Variants in PKN2 observed in about 807,000 individuals in gnomAD.
PKN2 encodes the protein protein kinase N2, also known as serine/threonine-protein kinase N2.
A neutral mutation model predicts 119.1 loss-of-function variants in PKN2; 38 were observed. The ratio of observed to expected loss-of-function variants is 0.32; its 90% confidence interval spans 0.25 to 0.42. The LOEUF is 0.42. PKN2 is among the 10% of genes least tolerant of loss of function. The pLI is 1.00. For synonymous variants in PKN2, 390 were observed against 384.9 expected (o/e 1.01, Z -0.15); for missense variants, 850 against 1,165.1 (o/e 0.73, Z 3.94).
intron 15 of PKN2, among the ~76,000 whole-genome samples, chr1:88,808,720 TA>T (rs1671662105): frequency 6.6e-6 from 1 of 152,222 alleles, no homozygotes; most frequent in African/African-American, 2.4e-5. Context: ...CATTATTGTA[TA>T]AAAATGGCAT....
chr1:88,739,409 G>T (rs1010319895), intron 1 of PKN2, among the ~76,000 whole-genome samples: 5 of 152,064 alleles, frequency 3.3e-5, no homozygotes, highest in Non-Finnish European at 7.4e-5. Flanking sequence ...ACGAGATCCC[G>T]TATCACCCAT....
chr1:88,771,850 G>C lies in PKN2; in HGVS notation c.956G>C (p.Ser319Thr). Residue 319 changes from serine (S) to threonine (T), a missense_variant, in exon 6 of 22, where the codon AGT becomes ACT. Coordinates refer to ENST00000370521, the MANE Select transcript of PKN2 (RefSeq NM_006256.4). ...ATGATATCTACGCAAAATCAATATA[G>C]TACACTATCCAAACCAGCAGCACTA... ...QSMISTQNQY[S>T]TLSKPAALTG... The C allele has an allele frequency of 6.2e-7, 1 of 1,613,592 alleles. No homozygotes were observed. The highest frequency in any genetic ancestry group is 1.1e-5 in the South Asian group (1 of 91,072).
chr1:88,750,557 T>A (rs1279241600), intron 2 of PKN2, among the ~76,000 whole-genome samples: 1 of 152,218 alleles, frequency 6.6e-6, no homozygotes, highest in East Asian at 1.9e-4. Flanking sequence ...TTCTGGTGAC[T>A]TCCAAAGTTG....
chr1:88,699,747 G>A (rs938572022), intron 1 of PKN2, among the ~76,000 whole-genome samples: 1 of 151,720 alleles, frequency 6.6e-6, no homozygotes, highest in African/African-American at 2.4e-5. Flanking sequence ...TCCCTGCAAA[G>A]GACATGATAT....
At chr1:88,799,588 G>T (rs954283239) in intron 8 of PKN2, among the ~76,000 whole-genome samples, 6 of 152,308 alleles carry the variant, frequency 3.9e-5, no homozygotes, top group African/African-American at 1.4e-4. Context: ...AAGTCGCAGT[G>T]TGTATTTCCC....
intron 1 of PKN2, among the ~76,000 whole-genome samples, chr1:88,723,316 T>C (rs2100710035): frequency 6.6e-6 from 1 of 152,176 alleles, no homozygotes; most frequent in African/African-American, 2.4e-5. Flanking sequence ...TTTCACCACC[T>C]TGGTCAGGCC....
At chr1:88,782,910 C>A (rs999401772) in intron 6 of PKN2, among the ~76,000 whole-genome samples, 1 of 152,118 alleles carries the variant, frequency 6.6e-6, no homozygotes, top group Non-Finnish European at 1.5e-5. Flanking sequence ...TGTTCTTGAG[C>A]TTTGTTCTAG....
intron 18 of PKN2, among the ~76,000 whole-genome samples, chr1:88,826,760 G>A (rs1672514784): frequency 6.6e-6 from 1 of 152,070 alleles, no homozygotes; most frequent in African/African-American, 2.4e-5. Flanking sequence ...TTAATCTAGA[G>A]CCTGATATTA....
intron 2 of PKN2, among the ~76,000 whole-genome samples, chr1:88,749,277 C>T (rs1365946348): frequency 1.3e-5 from 2 of 151,960 alleles, no homozygotes; most frequent in Non-Finnish European, 2.9e-5. Flanking sequence ...AATTTTTATA[C>T]CTAGGTTGCT....
At position 88,806,083 on chromosome 1, in the gene PKN2, T is replaced by C. The variant is rs188435202; in HGVS notation, c.1803+66T>C. On this transcript the variant is annotated intron_variant, in intron 12 of 21. Transcript: ENST00000370521. ...TGAATTAGCAATAAAAGCATCATAG[T>C]GAATAAGGCGTGTCTTTCCATTTAA... is the stretch of plus-strand genomic sequence containing the variant. The C allele has an allele frequency of 6.3e-4, 837 of 1,319,430 alleles. 4 individuals carry two copies. The African/African-American group carries it at 0.011, about 17-fold the overall frequency. 81.7% of individuals were successfully genotyped at this position (1,319,430 alleles called of 1,614,324 possible).
intron 3 of PKN2, among the ~76,000 whole-genome samples, chr1:88,768,115 T>G (rs545706386): frequency 1.3e-4 from 20 of 152,346 alleles, no homozygotes; most frequent in East Asian, 3.9e-4. Flanking sequence ...TGTGTGTATG[T>G]ATGGATGGAT....
At chr1:88,747,462 A>C (rs1557584595) in intron 2 of PKN2, among the ~76,000 whole-genome samples, 1 of 152,162 alleles carries the variant, frequency 6.6e-6, no homozygotes, top group East Asian at 1.9e-4. Context: ...GCTGAGGCTA[A>C]ATGTACCTTA....
chr1:88,684,752 C>G (rs935344326), intron 1 of PKN2, 124 bp downstream of exon 1: 97 of 782,468 alleles, frequency 1.2e-4, no homozygotes, highest in Non-Finnish European at 1.7e-4. Context: ...TGCGGAAACT[C>G]CGGGATGTCA....
At chr1:88,759,252 A>G (rs977076330) in intron 2 of PKN2, among the ~76,000 whole-genome samples, 13 of 152,186 alleles carry the variant, frequency 8.5e-5, no homozygotes, top group Non-Finnish European at 1.2e-4. Flanking sequence ...AATCCCAGCT[A>G]TTCAGGAGGC....
chr1:88,813,753 T>C lies in PKN2; in HGVS notation c.2279+20T>C. The C allele has an allele frequency of 6.6e-7, 1 of 1,524,352 alleles. No homozygotes were observed. Among genetic ancestry groups the C allele is most frequent in the Non-Finnish European group, 8.8e-7 (1 of 1,142,644 alleles). 94.4% of individuals were successfully genotyped at this position (1,524,352 alleles called of 1,614,324 possible). A position where few individuals can be genotyped will look rare whatever the true frequency, so the allele number is the denominator to read the frequency against. On this transcript the variant is annotated intron_variant, in intron 16 of 21. Transcript: ENST00000370521. ...AGCTGTGTGAGTATGCTTTAGACAT[T>C]TGTCTGAGTTTTTCCATGACTGATT...
chr1:88,739,388 T>A (rs1005059878), intron 1 of PKN2, among the ~76,000 whole-genome samples: 1 of 152,190 alleles, frequency 6.6e-6, no homozygotes, highest in Non-Finnish European at 1.5e-5. Flanking sequence ...TAAATTGATA[T>A]GAAAACCAAG....
At chr1:88,815,516 G>C (rs1272418305) in intron 16 of PKN2, 2 of 270,322 alleles carry the variant, frequency 7.4e-6, no homozygotes, top group African/African-American at 4.7e-5. Flanking sequence ...TCACTTAAAA[G>C]AGAGGAGCAA....
chr1:88,746,233 G>A (rs1668764888), intron 2 of PKN2, among the ~76,000 whole-genome samples: 1 of 152,014 alleles, frequency 6.6e-6, no homozygotes, highest in South Asian at 2.1e-4. Context: ...TGATTTCTTG[G>A]ATAAAAGCAG....
chr1:88,823,844 A>C (rs1672392476), intron 17 of PKN2, among the ~76,000 whole-genome samples: 2 of 151,780 alleles, frequency 1.3e-5, no homozygotes, highest in Admixed American at 1.3e-4. Flanking sequence ...CCGCCTCTCT[A>C]ATAAAAATAC....
Sources: allele counts gnomAD v4.1 joint callset (sites outside exome capture counted in the v4.1 genomes callset), GRCh38; gene constraint gnomAD v4.1.1; transcripts MANE v1.5; gene names NCBI Gene and HGNC (gene_info 2026-07-23, HGNC 2026-07-21).